Variants in TLR2 observed in about 807,000 individuals in gnomAD.
The protein encoded by TLR2 is toll like receptor 2, also known as toll-like receptor 2.
In TLR2, 7 loss-of-function variants were observed where a neutral mutation model predicts 9.1. The ratio of observed to expected loss-of-function variants is 0.77; its 90% CI spans 0.44 to 1.44. The LOEUF (loss-of-function observed/expected upper bound fraction) is 1.44, where lower values mean the gene tolerates loss of function less well. TLR2 is among the 40% of genes most tolerant of loss of function. The pLI is 0.01. For synonymous variants in TLR2, 317 were observed against 344.6 expected, an observed-to-expected ratio of 0.92 and a Z score of 0.89; for missense variants, 812 against 904.6, an observed-to-expected ratio of 0.90 and a Z score of 1.31.
Position 153,703,222 on chromosome 4 carries a change from A to G in TLR2, c.315A>G (p.Leu105=). ...CTTCCCTGGGCAGTCTTGAACATTT[A>G]GACTTATCCTATAATTACTTATCTA... ...SFSSLGSLEH[L]DLSYNYLSNL... is the part of the protein sequence containing the mutation. Residue 105 remains leucine, a synonymous_variant, in exon 3 of 3, where the codon TTA becomes TTG. Transcript: ENST00000642700. The G allele has an allele frequency of 6.2e-7, 1 of 1,614,192 alleles. No homozygotes were observed. Among genetic ancestry groups the G allele is most frequent in the Non-Finnish European group, 8.5e-7 (1 of 1,180,026 alleles).
At chr4:153,688,462 C>G (rs149019945) in intron 2 of TLR2, 2 of 152,224 alleles carry the variant, frequency 1.3e-5, no homozygotes, top group African/African-American at 4.8e-5. Flanking sequence ...AGTGGGAAAT[C>G]AGGGGACTCA....
At chr4:153,706,438 C>T (rs1737333444), downstream of TLR2, among the ~76,000 whole-genome samples, 1 of 152,072 alleles carries the variant, frequency 6.6e-6, no homozygotes. Flanking sequence ...CCCTTTTTCC[C>T]CTTCTGAATA....
rs1737262180 is a variant in TLR2, at chr4:153,705,253, A to T, written c.2346A>T (p.Ile782=). ...EGFWVNLRAA[I]KS is the part of the protein sequence containing the mutation. The stretch of plus-strand genomic sequence containing the variant: ...TTTGGGTAAATCTGAGAGCTGCGAT[A>T]AAGTCCTAGGTTCCCATATTTAAGA... Residue 782 remains isoleucine (I), a synonymous_variant, in exon 3 of 3, where the codon ATA becomes ATT. Transcript: ENST00000642700. The T allele has an allele frequency of 6.3e-7, 1 of 1,582,406 alleles. No individual in the cohort carries two copies. The highest frequency in any genetic ancestry group is 1.1e-5 in the South Asian group (1 of 87,166).
At chr4:153,710,163 T>C (rs1259571972), downstream of TLR2, 5 of 452,638 alleles carry the variant, frequency 1.1e-5, no homozygotes, top group African/African-American at 3.9e-5. Flanking sequence ...ACAGCTGTAA[T>C]GGGAAAGATG....
chr4:153,703,577 G>A lies in TLR2; in HGVS notation c.670G>A (p.Val224Met), dbSNP rs1173378845. 21 of 1,614,106 alleles carry A rather than the reference G, an allele frequency of 1.3e-5. No homozygotes were observed. In the South Asian group the frequency reaches 1.4e-4, roughly 11 times the overall value. The change falls in exon 3 of 3, where the codon GTG (valine) becomes ATG (methionine). Residue 224 changes from valine (V) to methionine (M), a missense_variant. Physicochemically the swap from Val to Met is conservative, Grantham distance 21. Transcript: ENST00000642700. ...GATTTTTGTAGATGTTACAAGTTCC[G>A]TGGAATGTTTGGAACTGCGAGATAC... ...LEIFVDVTSS[V>M]ECLELRDTDL...
At chr4:153,693,341 C>A (rs1051292320) in intron 2 of TLR2, among the ~76,000 whole-genome samples, 9 of 152,164 alleles carry the variant, frequency 5.9e-5, no homozygotes, top group South Asian at 4.1e-4. Flanking sequence ...TGTTTAAATT[C>A]TTTGAGTAAT....
intron 2 of TLR2, among the ~76,000 whole-genome samples, chr4:153,693,037 C>A (rs1314272903): frequency 1.3e-5 from 2 of 152,196 alleles, no homozygotes; most frequent in Non-Finnish European, 2.9e-5. Context: ...TCCAAATCTT[C>A]CTGTTCATTT....
intron 2 of TLR2, among the ~76,000 whole-genome samples, chr4:153,691,334 T>C (rs966548220): frequency 6.6e-6 from 1 of 152,214 alleles, no homozygotes; most frequent in Admixed American, 6.5e-5. Context: ...GCTTGCTGTA[T>C]TTGTGCCTTT....
chr4:153,686,782 A>G (rs1329374237), intron 1 of TLR2, among the ~76,000 whole-genome samples: 1 of 152,204 alleles, frequency 6.6e-6, no homozygotes, highest in African/African-American at 2.4e-5. Context: ...GGGAGATTTT[A>G]TCATACATCT....
chr4:153,705,328 C>T lies in TLR2; in HGVS notation c.*66C>T, dbSNP rs778824407. The T allele has an allele frequency of 2.8e-6, 4 of 1,444,840 alleles. No homozygotes were observed. The highest frequency in any genetic ancestry group is 3.7e-6 in the Non-Finnish European group (4 of 1,082,636). 89.5% of individuals were successfully genotyped at this position (1,444,840 alleles called of 1,614,324 possible). A position where few individuals can be genotyped will look rare whatever the true frequency, so the allele number is the denominator to read the frequency against. On this transcript the variant is annotated 3_prime_UTR_variant, in exon 3 of 3. Transcript: ENST00000642700. ...TTATGTCACTAGTTATAGTTAAGTT[C>T]ATTCAGACATAATTATATAAAAACT...
chr4:153,703,713 T>C lies in TLR2; in HGVS notation c.806T>C (p.Val269Ala). 1 of 1,613,852 alleles carries C rather than the reference T, an allele frequency of 6.2e-7. No homozygotes were observed. Among genetic ancestry groups the C allele is most frequent in the Non-Finnish European group, 8.5e-7 (1 of 1,179,950 alleles). Residue 269 changes from valine to alanine, a missense_variant, in exon 3 of 3, where the codon GTT becomes GCT. By Grantham distance (64) the Val-to-Ala change is moderately conservative. Transcript: ENST00000642700. ...VKITDESLFQ[V>A]MKLLNQISGL... ...ATCACCGATGAAAGTTTGTTTCAGG[T>C]TATGAAACTTTTGAATCAGATTTCT...
chr4:153,704,293 A>G lies in TLR2; in HGVS notation c.1386A>G (p.Leu462=). 1 of 1,614,050 alleles carries G rather than the reference A, an allele frequency of 6.2e-7. No homozygotes were observed. Among genetic ancestry groups the G allele is most frequent in the Non-Finnish European group, 8.5e-7 (1 of 1,180,010 alleles). ...TGCIPKTLEI[L]DVSNNNLNLF... ...GCATTCCCAAGACACTGGAAATTTT[A>G]GATGTTAGCAACAACAATCTCAATT... The change falls in exon 3 of 3, where the codon TTA becomes TTG. Residue 462 remains leucine (L), a synonymous_variant. Coordinates refer to ENST00000642700, the MANE Select transcript of TLR2 (RefSeq NM_001318789.2).
At chr4:153,697,950 T>C (rs1736618522) in intron 2 of TLR2, among the ~76,000 whole-genome samples, 1 of 152,166 alleles carries the variant, frequency 6.6e-6, no homozygotes, top group Non-Finnish European at 1.5e-5. Flanking sequence ...AATTGCATTA[T>C]TGTGAACTCT....
In TLR2 at chr4:153,702,886, T is replaced by C; in HGVS notation, c.-16-6T>C. 1 of 1,566,110 alleles carries C rather than the reference T, an allele frequency of 6.4e-7. No homozygotes were observed. Among genetic ancestry groups the C allele is most frequent in the African/African-American group, 1.4e-5 (1 of 72,600 alleles). On this transcript the variant is annotated splice_region_variant and splice_polypyrimidine_tract_variant and intron_variant, in intron 2 of 2. Coordinates refer to ENST00000642700, the MANE Select transcript of TLR2 (RefSeq NM_001318789.2). ...AATGACTTATTTGAACCTCTTTTAT[T>C]TGTAGGTTGAAGCACTGGACAATGC...
chr4:153,703,343 T>C lies in TLR2; in HGVS notation c.436T>C (p.Ser146Pro). The C allele has an allele frequency of 6.2e-7, 1 of 1,613,974 alleles. No individual in the cohort carries two copies. The highest frequency in any genetic ancestry group is 8.5e-7 in the Non-Finnish European group (1 of 1,179,996). The change falls in exon 3 of 3, where the codon TCT becomes CCT. Residue 146 changes from serine to proline, a missense_variant. Physicochemically the swap from Ser to Pro is moderately conservative, Grantham distance 74. Coordinates refer to ENST00000642700, the MANE Select transcript of TLR2 (RefSeq NM_001318789.2). ...YKTLGETSLFSHLTKLQILRV... is the reference protein window; with the variant it reads ...YKTLGETSLFPHLTKLQILRV... Reference sequence around the variant, plus strand: ...AACCCTAGGGGAAACATCTCTTTTTTCTCATCTCACAAAATTGCAAATCCT... The same window carrying C: ...AACCCTAGGGGAAACATCTCTTTTTCCTCATCTCACAAAATTGCAAATCCT...
At chr4:153,710,146 T>G (rs1174098951), downstream of TLR2, 2 of 420,828 alleles carry the variant, frequency 4.8e-6, no homozygotes, top group Non-Finnish European at 8.5e-6. Flanking sequence ...TGTGCATGAG[T>G]TAAGAAACAG....
Position 153,702,893 on chromosome 4 carries a change from T to G in TLR2, c.-15T>G, listed in dbSNP as rs779051588. Reference sequence around the variant, plus strand: ...TATTTGAACCTCTTTTATTTGTAGGTTGAAGCACTGGACAATGCCACATAC... The same window carrying G: ...TATTTGAACCTCTTTTATTTGTAGGGTGAAGCACTGGACAATGCCACATAC... On this transcript the variant is annotated splice_region_variant and 5_prime_UTR_variant, in exon 3 of 3. Coordinates refer to ENST00000642700, the MANE Select transcript of TLR2 (RefSeq NM_001318789.2). The G allele has an allele frequency of 5.1e-6, 8 of 1,580,710 alleles. No individual in the cohort carries two copies. In the Middle Eastern group the frequency reaches 9.3e-4, roughly 183 times the overall value.
chr4:153,707,833 TTGGGAGGCTGAGG>T (rs1485420581), downstream of TLR2, among the ~76,000 whole-genome samples: 1 of 152,124 alleles, frequency 6.6e-6, no homozygotes, highest in African/African-American at 2.4e-5. Flanking sequence ...TCCCAGCACT[TTGGGAGGCTGAGG>T]TGGGAGGATC....
At position 153,704,234 on chromosome 4, in the gene TLR2, T is replaced by G. The variant is rs1306470642; in HGVS notation, c.1327T>G (p.Leu443Val). Residue 443 changes from leucine (L) to valine (V), a missense_variant, in exon 3 of 3, where the codon TTA (leucine) becomes GTA (valine). Coordinates refer to ENST00000642700, the MANE Select transcript of TLR2 (RefSeq NM_001318789.2). ...GCCAGAAAAGATGAAATATTTGAAC[T>G]TATCCAGCACACGAATACACAGTGT... ...QWPEKMKYLN[L>V]SSTRIHSVTG... 1 of 1,614,202 alleles carries G rather than the reference T, an allele frequency of 6.2e-7. No individual in the cohort carries two copies.
Sources: allele counts gnomAD v4.1 joint callset (sites outside exome capture counted in the v4.1 genomes callset), GRCh38; gene constraint gnomAD v4.1.1; transcripts MANE v1.5; gene names NCBI Gene and HGNC (gene_info 2026-07-23, HGNC 2026-07-21).